NEMP1: variants seen among roughly 807,000 people sequenced by gnomAD.
The protein encoded by NEMP1 is nuclear envelope integral membrane protein 1.
In NEMP1, 29 loss-of-function variants were observed where a neutral mutation model predicts 53.7. The ratio of observed to expected loss-of-function variants is 0.54; its 90% confidence interval spans 0.40 to 0.74. The LOEUF (loss-of-function observed/expected upper bound fraction) is 0.74, where lower values mean the gene tolerates loss of function less well. Ranked by LOEUF, NEMP1 falls within the 30% of genes least tolerant of loss-of-function variation. The pLI is 0.00. For missense variants in NEMP1, 477 were observed against 528.6 expected, an observed-to-expected ratio of 0.90 and a Z score of 0.96; for synonymous variants, 193 against 192.9, an observed-to-expected ratio of 1.00 and a Z score of 0.00.
rs1383902908 is a variant in NEMP1 at position 57,057,687 on chromosome 12, C to G, written c.*2192G>C. 1 of 152,138 alleles carries G rather than the reference C, an allele frequency of 6.6e-6. No homozygotes were observed. The highest frequency in any genetic ancestry group is 1.5e-5 in the Non-Finnish European group (1 of 68,028). The allele number at this position is 152,138 out of a possible 1,614,324, so 9.4% of individuals were successfully genotyped here. ...AAAAACAGTTTGATTTTATTCACCT[C>G]AAGTCTAAACACGGTGGAAAAAAAA... On this transcript the variant is annotated 3_prime_UTR_variant, in exon 9 of 9. Transcript: ENST00000300128.
chr12:57,085,625 A>G (rs2136532574), intron 1 of NEMP1, among the ~76,000 whole-genome samples: 1 of 152,378 alleles, frequency 6.6e-6, no homozygotes, highest in Non-Finnish European at 1.5e-5. Context: ...CTTAGATGAT[A>G]AATTCTGCCA....
chr12:57,061,046 G>A (rs1277643459), intron 7 of NEMP1, 101 bp from the exon 8 acceptor site: 2 of 1,207,514 alleles, frequency 1.7e-6, no homozygotes, highest in East Asian at 4.8e-5. Flanking sequence ...CAGACAGCCT[G>A]AACATTAAGA....
Position 57,057,905 on chromosome 12 carries a change from C to T in NEMP1, c.*1974G>A, listed in dbSNP as rs902883940. 15 of 152,070 alleles carry T rather than the reference C, an allele frequency of 9.9e-5. No individual in the cohort carries two copies. Among genetic ancestry groups the T allele is most frequent in the African/African-American group, 1.7e-4 (7 of 41,380 alleles). The allele number at this position is 152,070 out of a possible 1,614,324, so 9.4% of individuals were successfully genotyped here. A position where few individuals can be genotyped will look rare whatever the true frequency, so the allele number is the denominator to read the frequency against. ...CCAGAGAATCCTGAGACCACTTGCA[C>T]GAGTTGAATTATTTTTTAAAATAAA... On this transcript the variant is annotated 3_prime_UTR_variant, in exon 9 of 9. Transcript: ENST00000300128.
At chr12:57,071,478 A>T (rs1653709905) in intron 2 of NEMP1, among the ~76,000 whole-genome samples, 1 of 152,032 alleles carries the variant, frequency 6.6e-6, no homozygotes, top group Non-Finnish European at 1.5e-5. Flanking sequence ...CCTGGATTCA[A>T]GCGATTCTTC....
chr12:57,070,292 T>C (rs1441027577), intron 3 of NEMP1, among the ~76,000 whole-genome samples: 2 of 152,242 alleles, frequency 1.3e-5, no homozygotes, highest in African/African-American at 4.8e-5. Flanking sequence ...TCTTTAAATG[T>C]AGGCATGTAC....
chr12:57,081,219 G>C (rs2032837752), upstream of NEMP1, among the ~76,000 whole-genome samples: 1 of 152,144 alleles, frequency 6.6e-6, no homozygotes, highest in Non-Finnish European at 1.5e-5. Flanking sequence ...AGCTGTCAAA[G>C]TCATCCAAAC....
chr12:57,081,571 G>C (rs1364395048), upstream of NEMP1, among the ~76,000 whole-genome samples: 2 of 149,948 alleles, frequency 1.3e-5, no homozygotes, highest in African/African-American at 4.9e-5. Context: ...TAAACATAAT[G>C]TGGTGGTCTA....
At chr12:57,081,629 T>C (rs1308167163), upstream of NEMP1, among the ~76,000 whole-genome samples, 1 of 148,150 alleles carries the variant, frequency 6.7e-6, no homozygotes, top group Non-Finnish European at 1.5e-5. Flanking sequence ...AAAACGAGGC[T>C]GGGCACGGTG....
At chr12:57,077,233 G>A (rs1230214314) in intron 1 of NEMP1, among the ~76,000 whole-genome samples, 4 of 151,678 alleles carry the variant, frequency 2.6e-5, no homozygotes, top group Non-Finnish European at 5.9e-5. Flanking sequence ...TCGGGAGGCT[G>A]AGGCAGGAGA....
chr12:57,085,199 T>C (rs1430356554), intron 1 of NEMP1, among the ~76,000 whole-genome samples: 1 of 152,198 alleles, frequency 6.6e-6, no homozygotes, highest in East Asian at 1.9e-4. Flanking sequence ...TTTTTTGTTT[T>C]TGAGACTCAC....
At chr12:57,070,508 G>A (rs1443625970) in intron 3 of NEMP1, among the ~76,000 whole-genome samples, 166 bp downstream of exon 3, 2 of 152,248 alleles carry the variant, frequency 1.3e-5, no homozygotes, top group African/African-American at 4.8e-5. Flanking sequence ...CTGTCTGATA[G>A]GGGTGAAGTC....
chr12:57,079,431 C>G (rs1366898540), upstream of NEMP1, among the ~76,000 whole-genome samples: 1 of 152,158 alleles, frequency 6.6e-6, no homozygotes, highest in African/African-American at 2.4e-5. Flanking sequence ...TCTTGTGAGA[C>G]AAATATAATT....
upstream of NEMP1, among the ~76,000 whole-genome samples, chr12:57,081,489 C>T (rs183813938): frequency 6.6e-6 from 1 of 152,088 alleles, no homozygotes; most frequent in African/African-American, 2.4e-5. Context: ...GTGATTTGCC[C>T]GCCTCGGCCT....
chr12:57,064,136 T>C lies in NEMP1; in HGVS notation c.689A>G (p.Tyr230Cys), dbSNP rs920125601. Residue 230 changes from tyrosine to cysteine, a missense_variant, in exon 6 of 9, where the codon TAC becomes TGC. Coordinates refer to ENST00000300128, the MANE Select transcript of NEMP1 (RefSeq NM_001130963.2). ...ATTTTTAAAAACTAGTTGAATGAGGTACAGAGAAAAAGACCAGCCTCCCAC... is the reference window on the plus strand; with the variant it reads ...ATTTTTAAAAACTAGTTGAATGAGGCACAGAGAAAAAGACCAGCCTCCCAC... ...ILVGGWSFSL[Y>C]LIQLVFKNLQ... is the part of the protein sequence containing the mutation. 2 of 1,609,602 alleles carry C rather than the reference T, an allele frequency of 1.2e-6. No individual in the cohort carries two copies. The highest frequency in any genetic ancestry group is 1.7e-5 in the Admixed American group (1 of 59,170).
At chr12:57,076,295 T>C (rs1381033265) in intron 1 of NEMP1, among the ~76,000 whole-genome samples, 1 of 151,266 alleles carries the variant, frequency 6.6e-6, no homozygotes, top group Non-Finnish European at 1.5e-5. Context: ...GAGACCGAGG[T>C]GGGAAGTTAC....
upstream of NEMP1, among the ~76,000 whole-genome samples, chr12:57,080,513 A>C (rs2032815016): frequency 6.7e-6 from 1 of 150,286 alleles, no homozygotes; most frequent in Non-Finnish European, 1.5e-5. Context: ...CAGGAGGCGG[A>C]GGCTGCAGTG....
chr12:57,082,586 C>G (rs2032877694), upstream of NEMP1, among the ~76,000 whole-genome samples: 1 of 151,752 alleles, frequency 6.6e-6, no homozygotes, highest in Non-Finnish European at 1.5e-5. Context: ...TTGGCACGTG[C>G]CTGTAGTCCC....
upstream of NEMP1, among the ~76,000 whole-genome samples, chr12:57,080,008 G>A (rs1201739868): frequency 1.3e-5 from 2 of 152,120 alleles, no homozygotes; most frequent in Non-Finnish European, 2.9e-5. Context: ...TAACCCTTCT[G>A]GAATGCAGTG....
chr12:57,076,049 C>A (rs1378032821), intron 1 of NEMP1, among the ~76,000 whole-genome samples: 1 of 152,060 alleles, frequency 6.6e-6, no homozygotes, highest in Non-Finnish European at 1.5e-5. Flanking sequence ...GATGGCACCA[C>A]TGCACTCCAG....
Sources: allele counts gnomAD v4.1 joint callset (sites outside exome capture counted in the v4.1 genomes callset), GRCh38; gene constraint gnomAD v4.1.1; transcripts MANE v1.5; gene names NCBI Gene and HGNC (gene_info 2026-07-23, HGNC 2026-07-21).